The following NXPE2 variants were observed in gnomAD, a reference collection of about 807,000 sequenced individuals.
NXPE2 encodes NXPE family member 2.
Under a neutral mutation model 34.4 loss-of-function variants are expected in NXPE2, and 34 were observed. The ratio of observed to expected loss-of-function variants is 0.99; its 90% CI spans 0.75 to 1.31. The LOEUF (loss-of-function observed/expected upper bound fraction) is 1.31. Ranked by LOEUF, NXPE2 falls within the 40% of genes most tolerant of loss-of-function variation. NXPE2 has a pLI of 0.00. For synonymous variants in NXPE2, 235 were observed against 231.3 expected (o/e 1.02, Z -0.15); for missense variants, 649 against 672.5 (o/e 0.97, Z 0.39).
At chr11:114,711,290 C>CA (rs879654314), downstream of NXPE2, among the ~76,000 whole-genome samples, 56 of 150,976 alleles carry the variant, frequency 3.7e-4, no homozygotes, top group Admixed American at 1.4e-3. Flanking sequence ...TAGCATATGA[C>CA]AAAAAAAAGA....
chr11:114,509,736 C>T, the NXPE2 span, among the ~76,000 whole-genome samples: 1 of 151,998 alleles, frequency 6.6e-6, no homozygotes, highest in South Asian at 2.1e-4. Context: ...CACATGGACA[C>T]ATAGAGGGGG....
At chr11:114,473,401 T>C in the NXPE2 span, among the ~76,000 whole-genome samples, 1 of 152,178 alleles carries the variant, frequency 6.6e-6, no homozygotes, top group South Asian at 2.1e-4. Context: ...AAATAACAAA[T>C]TTCCTTACTT....
At chr11:114,625,167 A>G in the NXPE2 span, among the ~76,000 whole-genome samples, 1 of 152,122 alleles carries the variant, frequency 6.6e-6, no homozygotes, top group Admixed American at 6.5e-5. Flanking sequence ...GTGGGTAACC[A>G]CTGTTACCCA....
At chr11:114,595,946 A>G in the NXPE2 span, among the ~76,000 whole-genome samples, 3 of 152,228 alleles carry the variant, frequency 2.0e-5, no homozygotes, top group African/African-American at 7.2e-5. Flanking sequence ...TACAATAAAT[A>G]ACTGATGAGA....
the NXPE2 span, among the ~76,000 whole-genome samples, chr11:114,574,228 T>C: frequency 6.6e-6 from 1 of 152,032 alleles, no homozygotes; most frequent in Non-Finnish European, 1.5e-5. Context: ...AAGAGGAAAG[T>C]TCATAGACTT....
At chr11:114,722,248 G>A in the NXPE2 span, among the ~76,000 whole-genome samples, 3 of 152,096 alleles carry the variant, frequency 2.0e-5, no homozygotes, top group African/African-American at 7.2e-5. Context: ...TCTCATGATA[G>A]TGAGGAAGTT....
the NXPE2 span, among the ~76,000 whole-genome samples, chr11:114,722,094 T>C: frequency 2.8e-4 from 42 of 152,316 alleles, no homozygotes; most frequent in African/African-American, 9.9e-4. Context: ...ATTCTTATTC[T>C]CACATTTCCC....
At chr11:114,738,349 C>T in the NXPE2 span, among the ~76,000 whole-genome samples, 3 of 152,172 alleles carry the variant, frequency 2.0e-5, no homozygotes, top group South Asian at 4.1e-4. Context: ...TAGACTCAGC[C>T]ACCAGAGTCC....
chr11:114,677,268 T>C (rs1950869127), upstream of NXPE2, among the ~76,000 whole-genome samples: 1 of 152,058 alleles, frequency 6.6e-6, no homozygotes, highest in Non-Finnish European at 1.5e-5. Flanking sequence ...GACTAGATCT[T>C]AAGCGTTCTC....
chr11:114,698,386 A>C lies in NXPE2; in HGVS notation c.474A>C (p.Ala158=). 6.2e-7 allele frequency: 1 copy of C among 1,614,040 alleles called. No individual in the cohort carries two copies. Among genetic ancestry groups the C allele is most frequent in the Non-Finnish European group, 8.5e-7 (1 of 1,179,954 alleles). ...DFLRARMYST[A]LMAGASGKVT... is the part of the protein sequence containing the mutation. Reference sequence around the variant, plus strand: ...TGAGGGCCAGGATGTACTCCACAGCACTAATGGCAGGTGCTTCAGGAAAGG... The same window carrying C: ...TGAGGGCCAGGATGTACTCCACAGCCCTAATGGCAGGTGCTTCAGGAAAGG... Residue 158 remains alanine (A), a synonymous_variant, in exon 3 of 6, where the codon GCA becomes GCC. Coordinates refer to ENST00000389586, the MANE Select transcript of NXPE2 (RefSeq NM_182495.6).
the NXPE2 span, chr11:114,528,886 G>C: frequency 8.2e-6 from 5 of 609,404 alleles, no homozygotes. Flanking sequence ...TTAGGCATAA[G>C]GATGGTTGAT....
At chr11:114,738,147 G>C in the NXPE2 span, among the ~76,000 whole-genome samples, 1 of 152,148 alleles carries the variant, frequency 6.6e-6, no homozygotes, top group African/African-American at 2.4e-5. Context: ...CCTGAATTTA[G>C]ACCATGGGAA....
the NXPE2 span, among the ~76,000 whole-genome samples, chr11:114,568,021 C>A: frequency 3.9e-5 from 6 of 152,194 alleles, 1 homozygote; most frequent in Admixed American, 3.3e-4. Flanking sequence ...AAACATCACA[C>A]AGACATTGCC....
At chr11:114,521,146 G>A in the NXPE2 span, among the ~76,000 whole-genome samples, 3 of 151,752 alleles carry the variant, frequency 2.0e-5, no homozygotes, top group African/African-American at 7.2e-5. Context: ...TTATCTATTA[G>A]GGTTATTGAT....
chr11:114,695,019 G>T (rs1951222090), intron 2 of NXPE2, among the ~76,000 whole-genome samples: 1 of 151,994 alleles, frequency 6.6e-6, no homozygotes, highest in Admixed American at 6.6e-5. Context: ...TTGAAATCTG[G>T]ATATGATGTA....
chr11:114,803,141 T>C, the NXPE2 span, among the ~76,000 whole-genome samples: 2 of 152,218 alleles, frequency 1.3e-5, no homozygotes, highest in Non-Finnish European at 2.9e-5. Flanking sequence ...CTTTGTCAAT[T>C]GTTCTGTACA....
the NXPE2 span, among the ~76,000 whole-genome samples, chr11:114,662,232 GA>G: frequency 1.4e-5 from 1 of 69,940 alleles, no homozygotes; most frequent in African/African-American, 4.1e-5. Context: ...GCACTGGGGA[GA>G]GAGAGAGAGT....
chr11:114,628,330 A>C, the NXPE2 span, among the ~76,000 whole-genome samples: 1 of 152,132 alleles, frequency 6.6e-6, no homozygotes, highest in African/African-American at 2.4e-5. Flanking sequence ...CTCTCAGACC[A>C]CAGTGCAATC....
At chr11:114,681,623 C>A (rs1413969542) in intron 2 of NXPE2, among the ~76,000 whole-genome samples, 2 of 152,116 alleles carry the variant, frequency 1.3e-5, no homozygotes, top group Non-Finnish European at 2.9e-5. Flanking sequence ...CCCACTCCCA[C>A]CTCTTAGCAT....
Sources: gnomAD v4.1 joint callset for allele counts (sites outside exome capture counted in the v4.1 genomes callset) on GRCh38, gnomAD v4.1.1 for gene constraint, MANE v1.5 for transcripts, NCBI Gene and HGNC (gene_info 2026-07-23, HGNC 2026-07-21) for gene names.